The following ENTREP1 variants were observed in gnomAD, a reference collection of about 807,000 sequenced individuals.
ENTREP1 encodes the protein Friedreich ataxia region gene X123.
At chr9:69,376,354 G>A in the ENTREP1 span, among the ~76,000 whole-genome samples, 1 of 152,136 alleles carries the variant, frequency 6.6e-6, no homozygotes, top group African/African-American at 2.4e-5. Context: ...AGAAAATATG[G>A]GGGAATTGAA....
At chr9:69,367,839 A>G in the ENTREP1 span, among the ~76,000 whole-genome samples, 1 of 62,340 alleles carries the variant, frequency 1.6e-5, no homozygotes, top group Non-Finnish European at 4.4e-5. Flanking sequence ...ATATATACAC[A>G]TATATATATA....
chr9:69,385,046 C>G, the ENTREP1 span, among the ~76,000 whole-genome samples: 1 of 152,072 alleles, frequency 6.6e-6, no homozygotes, highest in Non-Finnish European at 1.5e-5. Flanking sequence ...CCCAGCCTCC[C>G]GAGTAACTGG....
chr9:69,328,742 T>C, the ENTREP1 span, among the ~76,000 whole-genome samples: 1 of 152,206 alleles, frequency 6.6e-6, no homozygotes, highest in South Asian at 2.1e-4. Context: ...TCACATGCCA[T>C]ACAACTTACC....
At chr9:69,367,680 A>AAT in the ENTREP1 span, among the ~76,000 whole-genome samples, 2 of 47,362 alleles carry the variant, frequency 4.2e-5, no homozygotes, top group Non-Finnish European at 9.4e-5. Context: ...CACATATATA[A>AAT]ATATATATAT....
chr9:69,381,917 T>G, the ENTREP1 span: 4 of 152,336 alleles, frequency 2.6e-5, no homozygotes, highest in Admixed American at 2.6e-4. Flanking sequence ...GGGAAGAAAT[T>G]CTACAATAGT....
chr9:69,378,510 G>T, the ENTREP1 span, among the ~76,000 whole-genome samples: 6,511 of 152,100 alleles, frequency 0.043, 409 homozygotes, highest in African/African-American at 0.15. Flanking sequence ...GCTCACACCT[G>T]TAATCCCAGC....
At chr9:69,374,110 G>A in the ENTREP1 span, among the ~76,000 whole-genome samples, 1 of 152,034 alleles carries the variant, frequency 6.6e-6, no homozygotes, top group South Asian at 2.1e-4. Flanking sequence ...GGAGTCACAC[G>A]GTTTGAAAGT....
the ENTREP1 span, chr9:69,385,702 T>C: frequency 2.8e-5 from 40 of 1,426,478 alleles, no homozygotes; most frequent in East Asian, 8.8e-4. Flanking sequence ...AGGTTTAGGC[T>C]CCCAGGTGTT....
At chr9:69,352,196 A>G in the ENTREP1 span, among the ~76,000 whole-genome samples, 1 of 152,038 alleles carries the variant, frequency 6.6e-6, no homozygotes, top group Non-Finnish European at 1.5e-5. Context: ...AGCTCACTGC[A>G]ACCTCTCCAC....
the ENTREP1 span, chr9:69,377,376 C>A: frequency 1.2e-6 from 2 of 1,610,310 alleles, no homozygotes; most frequent in African/African-American, 2.7e-5. Context: ...CCAGAAAGTC[C>A]TCTTTGCCCT....
the ENTREP1 span, among the ~76,000 whole-genome samples, chr9:69,359,416 C>T: frequency 6.6e-6 from 1 of 152,126 alleles, no homozygotes; most frequent in Admixed American, 6.5e-5. Flanking sequence ...AAGGGAGGGA[C>T]CAGGTGGAGA....
chr9:69,377,522 G>A, the ENTREP1 span: 2 of 1,607,464 alleles, frequency 1.2e-6, no homozygotes, highest in Admixed American at 3.3e-5. Context: ...CGCTGAGCCA[G>A]CCCATGGACC....
At chr9:69,324,844 A>G in the ENTREP1 span, 3 of 983,734 alleles carry the variant, frequency 3.0e-6, no homozygotes, top group Non-Finnish European at 3.6e-6. Context: ...GCTCTTCTCT[A>G]GCCCCAGCTC....
the ENTREP1 span, chr9:69,386,107 G>T: frequency 1.9e-6 from 1 of 530,818 alleles, no homozygotes; most frequent in Non-Finnish European, 3.0e-6. Flanking sequence ...CTACGTCCAT[G>T]TTAGGAATAT....
the ENTREP1 span, among the ~76,000 whole-genome samples, chr9:69,327,254 G>A: frequency 4.4e-4 from 67 of 152,214 alleles, no homozygotes; most frequent in South Asian, 0.01. Flanking sequence ...CTCTGCCTGT[G>A]GGCTCTGCCA....
At chr9:69,349,008 A>G in the ENTREP1 span, among the ~76,000 whole-genome samples, 1 of 151,438 alleles carries the variant, frequency 6.6e-6, no homozygotes, top group African/African-American at 2.4e-5. Context: ...ACATGGTGAA[A>G]CCCTGTCTCT....
At chr9:69,365,643 T>G in the ENTREP1 span, among the ~76,000 whole-genome samples, 1 of 152,172 alleles carries the variant, frequency 6.6e-6, no homozygotes, top group South Asian at 2.1e-4. Flanking sequence ...TTGTATCCAT[T>G]AACCAACCTC....
the ENTREP1 span, chr9:69,375,909 G>C: frequency 5.1e-6 from 8 of 1,576,880 alleles, no homozygotes; most frequent in Non-Finnish European, 5.2e-6. Flanking sequence ...ACACCACGGA[G>C]CCCCCAAAGA....
the ENTREP1 span, among the ~76,000 whole-genome samples, chr9:69,340,641 ATGTGTGTG>A: frequency 4.5e-5 from 2 of 44,268 alleles, no homozygotes; most frequent in Admixed American, 4.4e-4. Flanking sequence ...GTGTGCGTGC[ATGTGTGTG>A]TGCATGTGTG....
Sources: gnomAD v4.1 joint callset for allele counts (sites outside exome capture counted in the v4.1 genomes callset) on GRCh38, gnomAD v4.1.1 for gene constraint, MANE v1.5 for transcripts, NCBI Gene and HGNC (gene_info 2026-07-23, HGNC 2026-07-21) for gene names.